The following CCSER1 variants were observed in gnomAD, a reference collection of about 807,000 sequenced individuals.
CCSER1 encodes the protein coiled-coil serine rich protein 1.
CCSER1 carries 41 observed loss-of-function variants against 82.0 expected under a neutral mutation model. The observed-to-expected ratio is 0.50, with a 90% CI of 0.39 to 0.65. CCSER1 has a LOEUF of 0.65. Among genes scored for constraint, CCSER1 ranks in the 30% least tolerant of loss-of-function variants. The probability of loss-of-function intolerance (pLI) is 0.00; values close to 1 mark genes in which losing one functional copy is unlikely to be tolerated. For missense variants in CCSER1, 1,119 were observed against 1,064.2 expected (o/e 1.05, Z -0.72); for synonymous variants, 414 against 383.9 (o/e 1.08, Z -0.92).
chr4:90,841,046 C>A (rs1415522744), intron 8 of CCSER1, among the ~76,000 whole-genome samples: 2 of 152,076 alleles, frequency 1.3e-5, no homozygotes, highest in African/African-American at 4.8e-5. Context: ...TACCTGTATT[C>A]TAGAGATACT....
At chr4:90,198,326 A>G (rs139088742) in intron 1 of CCSER1, among the ~76,000 whole-genome samples, 1 of 152,204 alleles carries the variant, frequency 6.6e-6, no homozygotes, top group African/African-American at 2.4e-5. Context: ...TTAGTCATCT[A>G]ATCAGCATGA....
intron 7 of CCSER1, chr4:90,725,119 A>G: frequency 3.6e-6 from 1 of 278,362 alleles, no homozygotes; most frequent in Non-Finnish European, 7.3e-6. Context: ...CAGATAAATG[A>G]GAAAATAATA....
intron 9 of CCSER1, among the ~76,000 whole-genome samples, chr4:91,054,443 T>G (rs2148717168): frequency 6.6e-6 from 1 of 152,338 alleles, no homozygotes; most frequent in South Asian, 2.1e-4. Context: ...TTATTGAGCC[T>G]TTTATTAATA....
intron 9 of CCSER1, among the ~76,000 whole-genome samples, chr4:90,985,520 A>G (rs554356081): frequency 2.6e-5 from 4 of 151,818 alleles, no homozygotes; most frequent in African/African-American, 4.8e-5. Context: ...CTTCAACACC[A>G]ATATAATAAT....
chr4:91,115,841 T>TTTTA (rs747363416), intron 10 of CCSER1, among the ~76,000 whole-genome samples: 1 of 115,244 alleles, frequency 8.7e-6, no homozygotes, highest in Non-Finnish European at 1.7e-5. Flanking sequence ...TTCCATTCTT[T>TTTTA]TATATATATA....
At chr4:90,685,222 T>C (rs1734599614) in intron 6 of CCSER1, among the ~76,000 whole-genome samples, 1 of 152,004 alleles carries the variant, frequency 6.6e-6, no homozygotes, top group African/African-American at 2.4e-5. Flanking sequence ...TGTTTGCTGG[T>C]GATCACATCA....
At chr4:91,383,114 G>T (rs1293989952) in intron 10 of CCSER1, among the ~76,000 whole-genome samples, 1 of 151,654 alleles carries the variant, frequency 6.6e-6, no homozygotes, top group African/African-American at 2.4e-5. Flanking sequence ...TACATTCACT[G>T]GAAAACGAAA....
In CCSER1 at chr4:90,745,874, T is replaced by C. The variant is rs943569839; in HGVS notation, c.2010+21883T>C. On this transcript the variant is annotated intron_variant, in intron 7 of 10. Coordinates refer to ENST00000509176, the MANE Select transcript of CCSER1 (RefSeq NM_001145065.2). ...CCAGCTAAATTTTTTTTAATTTTTT[T>C]TTTCTTTAGTAGAGACGGGGTTTCA... Among the ~76,000 whole-genome samples, 52 of 151,812 alleles carry C rather than the reference T, an allele frequency of 3.4e-4. No homozygotes were observed. In the South Asian group the frequency reaches 7.3e-3, roughly 21 times the overall value.
intron 10 of CCSER1, among the ~76,000 whole-genome samples, chr4:91,481,817 T>C (rs1757930159): frequency 6.6e-6 from 1 of 152,052 alleles, no homozygotes; most frequent in Non-Finnish European, 1.5e-5. Context: ...CAAAAGAAAC[T>C]ACCATCAGAG....
chr4:90,874,154 G>A (rs1561285758), intron 8 of CCSER1, among the ~76,000 whole-genome samples: 1 of 152,104 alleles, frequency 6.6e-6, no homozygotes, highest in Non-Finnish European at 1.5e-5. Flanking sequence ...ACCTAACACT[G>A]CTGTAGAAGC....
At chr4:90,941,680 C>T (rs1731600272) in intron 9 of CCSER1, among the ~76,000 whole-genome samples, 1 of 152,148 alleles carries the variant, frequency 6.6e-6, no homozygotes, top group Non-Finnish European at 1.5e-5. Flanking sequence ...TAATCACTCT[C>T]TCTAAAACAA....
chr4:91,366,364 G>T (rs1408057924), intron 10 of CCSER1, among the ~76,000 whole-genome samples: 4 of 152,086 alleles, frequency 2.6e-5, no homozygotes, highest in Non-Finnish European at 5.9e-5. Flanking sequence ...TATTTTTTGA[G>T]TGGGCTTTGG....
At chr4:90,718,907 A>C (rs1030790759) in intron 6 of CCSER1, among the ~76,000 whole-genome samples, 5 of 152,142 alleles carry the variant, frequency 3.3e-5, no homozygotes, top group African/African-American at 1.2e-4. Context: ...CATTTCTCAC[A>C]ACTTAAAAAA....
At chr4:90,949,881 T>C (rs114326631) in intron 9 of CCSER1, among the ~76,000 whole-genome samples, 1,597 of 152,248 alleles carry the variant, frequency 0.01, 33 homozygotes, top group African/African-American at 0.037. Context: ...GAATTATCCC[T>C]ACTGTACGGA....
chr4:90,139,972 G>A (rs115051059), intron 1 of CCSER1, among the ~76,000 whole-genome samples: 4,430 of 151,918 alleles, frequency 0.029, 108 homozygotes, highest in South Asian at 0.06. Flanking sequence ...AAGTAAAGAA[G>A]TAAATAAAAG....
chr4:90,745,086 G>T (rs1051400939), intron 7 of CCSER1, among the ~76,000 whole-genome samples: 1 of 152,004 alleles, frequency 6.6e-6, no homozygotes, highest in Non-Finnish European at 1.5e-5. Context: ...AACAACTCTG[G>T]AAGTCAGAAG....
At chr4:91,369,315 C>T (rs1305045666) in intron 10 of CCSER1, among the ~76,000 whole-genome samples, 1 of 152,196 alleles carries the variant, frequency 6.6e-6, no homozygotes, top group Non-Finnish European at 1.5e-5. Flanking sequence ...CAGCAGATGA[C>T]TTCCGTTTCT....
At chr4:90,959,305 A>C (rs1299669965) in intron 9 of CCSER1, among the ~76,000 whole-genome samples, 1 of 152,172 alleles carries the variant, frequency 6.6e-6, no homozygotes, top group African/African-American at 2.4e-5. Flanking sequence ...CGTGTCAATA[A>C]TACGGGTTAA....
At chr4:90,712,259 A>G (rs1740755602) in intron 6 of CCSER1, among the ~76,000 whole-genome samples, 1 of 151,784 alleles carries the variant, frequency 6.6e-6, no homozygotes, top group Non-Finnish European at 1.5e-5. Context: ...AGATATTTAT[A>G]ACTTTTTGAT....
Sources: allele counts gnomAD v4.1 joint callset (sites outside exome capture counted in the v4.1 genomes callset), GRCh38; gene constraint gnomAD v4.1.1; transcripts MANE v1.5; gene names NCBI Gene and HGNC (gene_info 2026-07-23, HGNC 2026-07-21).